The following LOC400499 variants were observed in gnomAD, a reference collection of about 807,000 sequenced individuals.
chr16:11,436,046 G>A, the LOC400499 span, among the ~76,000 whole-genome samples: 8 of 152,206 alleles, frequency 5.3e-5, no homozygotes, highest in African/African-American at 1.4e-4. Flanking sequence ...AGGGAGGAAT[G>A]GGGGAGATAG....
chr16:11,404,139 C>T, the LOC400499 span, among the ~76,000 whole-genome samples: 1 of 152,210 alleles, frequency 6.6e-6, no homozygotes, highest in African/African-American at 2.4e-5. Context: ...GAGGCCTTCC[C>T]AGACCACCCC....
At chr16:11,486,884 G>C in the LOC400499 span, among the ~76,000 whole-genome samples, 5 of 103,396 alleles carry the variant, frequency 4.8e-5, no homozygotes, top group Non-Finnish European at 7.9e-5. Context: ...GGGTGGGGGG[G>C]TGGGGGGCTG....
the LOC400499 span, among the ~76,000 whole-genome samples, chr16:11,407,003 C>A: frequency 2.6e-5 from 4 of 152,240 alleles, no homozygotes; most frequent in African/African-American, 9.6e-5. Flanking sequence ...TGAAATAGTG[C>A]CTGGCACCTA....
At chr16:11,505,177 G>A in the LOC400499 span, among the ~76,000 whole-genome samples, 1 of 151,130 alleles carries the variant, frequency 6.6e-6, no homozygotes, top group Non-Finnish European at 1.5e-5. Context: ...CTGATTTGTA[G>A]CATTTGCCGA....
the LOC400499 span, among the ~76,000 whole-genome samples, chr16:11,522,631 C>CT: frequency 2.7e-4 from 41 of 152,284 alleles, no homozygotes; most frequent in South Asian, 8.5e-3. Context: ...GGTGAATACT[C>CT]TTTTTTCTCC....
the LOC400499 span, chr16:11,401,549 G>C: frequency 1.3e-5 from 5 of 398,074 alleles, no homozygotes. Flanking sequence ...CCCTGTGCAA[G>C]GCCCTCGGAG....
At chr16:11,447,005 C>A in the LOC400499 span, 18 of 1,394,570 alleles carry the variant, frequency 1.3e-5, no homozygotes, top group Non-Finnish European at 1.7e-5. Context: ...GGGCCTGTCA[C>A]GAGCTTGCAG....
the LOC400499 span, among the ~76,000 whole-genome samples, chr16:11,462,923 G>A: frequency 1.3e-5 from 2 of 152,090 alleles, no homozygotes; most frequent in African/African-American, 4.8e-5. Context: ...CTGGAGCCCC[G>A]GTCATCGGCC....
At chr16:11,394,064 T>C in the LOC400499 span, among the ~76,000 whole-genome samples, 13 of 152,248 alleles carry the variant, frequency 8.5e-5, no homozygotes, top group South Asian at 4.2e-4. Context: ...TCTGATTTAA[T>C]TGGTGTTGGG....
the LOC400499 span, among the ~76,000 whole-genome samples, chr16:11,413,689 T>C: frequency 1.3e-5 from 2 of 152,230 alleles, no homozygotes; most frequent in Admixed American, 6.5e-5. Context: ...ATGATGATGA[T>C]GACGATAATA....
chr16:11,454,635 A>G, the LOC400499 span, among the ~76,000 whole-genome samples: 1 of 152,234 alleles, frequency 6.6e-6, no homozygotes, highest in Non-Finnish European at 1.5e-5. Context: ...TAGAGAGAAC[A>G]TGGCCCTGGT....
At chr16:11,398,379 G>T in the LOC400499 span, 1 of 1,232,308 alleles carries the variant, frequency 8.1e-7, no homozygotes, top group East Asian at 3.2e-5. Context: ...CAGGTGGAGG[G>T]AGTGCCGCAG....
the LOC400499 span, among the ~76,000 whole-genome samples, chr16:11,509,552 C>G: frequency 1.5e-4 from 23 of 151,902 alleles, no homozygotes; most frequent in Non-Finnish European, 1.9e-4. Context: ...CACTCTGTGC[C>G]TGGCACAGAG....
chr16:11,494,520 C>T, the LOC400499 span: 1 of 397,262 alleles, frequency 2.5e-6, no homozygotes, highest in Non-Finnish European at 4.4e-6. Context: ...GCCTGATTCG[C>T]TTCGGCCCCA....
At chr16:11,457,668 G>T in the LOC400499 span, among the ~76,000 whole-genome samples, 1 of 150,346 alleles carries the variant, frequency 6.7e-6, no homozygotes, top group African/African-American at 2.5e-5. Context: ...ACATACAAAA[G>T]AATTGAAAGC....
At chr16:11,443,718 G>A in the LOC400499 span, among the ~76,000 whole-genome samples, 1 of 152,080 alleles carries the variant, frequency 6.6e-6, no homozygotes, top group Non-Finnish European at 1.5e-5. Flanking sequence ...CAAGGAAACT[G>A]AGGTCCAGAG....
chr16:11,475,780 C>T, the LOC400499 span: 1 of 397,060 alleles, frequency 2.5e-6, no homozygotes, highest in South Asian at 1.3e-4. Flanking sequence ...CAAGTAACAC[C>T]TTGAGCTGCC....
At chr16:11,383,952 T>A in the LOC400499 span, 3 of 1,231,770 alleles carry the variant, frequency 2.4e-6, no homozygotes, top group Non-Finnish European at 2.0e-6. Context: ...CGGGGAGCTG[T>A]CCCGGGCAGG....
chr16:11,388,885 G>C, the LOC400499 span, among the ~76,000 whole-genome samples: 16 of 152,134 alleles, frequency 1.1e-4, no homozygotes, highest in Non-Finnish European at 1.9e-4. Flanking sequence ...TCAGGAGTCT[G>C]AGACCAGCCT....
Sources: allele counts gnomAD v4.1 joint callset (sites outside exome capture counted in the v4.1 genomes callset), GRCh38; gene constraint gnomAD v4.1.1; transcripts MANE v1.5.